The following SCUBE2 variants were observed in gnomAD, a reference collection of about 807,000 sequenced individuals.
The protein encoded by SCUBE2 is signal peptide, CUB domain and EGF like domain containing 2, also known as signal peptide, CUB and EGF-like domain-containing protein 2.
SCUBE2 carries 114 observed loss-of-function variants against 125.9 expected under a neutral mutation model. The ratio of observed to expected loss-of-function variants is 0.91; its 90% CI spans 0.78 to 1.06. The LOEUF is 1.06. Ranked by LOEUF, SCUBE2 falls within the 50% of genes least tolerant of loss-of-function variation. SCUBE2 has a pLI of 0.00. For missense variants in SCUBE2, 1,255 were observed against 1,301.8 expected, an observed-to-expected ratio of 0.96 and a Z score of 0.55; for synonymous variants, 459 against 492.9, an observed-to-expected ratio of 0.93 and a Z score of 0.91.
chr11:9,069,438 G>A lies in SCUBE2; in HGVS notation c.575C>T (p.Pro192Leu). ...GCACTCACAGGCGACGCTGCCCCTT[G>A]GGGCCTCCTTGCAGATGTGACTACA... ...HGCSHICKEA[P>L]RGSVACECRP... Residue 192 changes from proline (P) to leucine (L), a missense_variant, in exon 5 of 23, where the codon CCA (proline) becomes CTA (leucine). Physicochemically the swap from Pro to Leu is moderately conservative, Grantham distance 98. Transcript: ENST00000649792. 6.2e-7 allele frequency: 1 copy of A among 1,614,226 alleles called. No homozygotes were observed. Among genetic ancestry groups the A allele is most frequent in the Non-Finnish European group, 8.5e-7 (1 of 1,180,040 alleles).
At chr11:9,029,777 G>T in intron 19 of SCUBE2, 107 bp downstream of exon 19, 1 of 1,213,352 alleles carries the variant, frequency 8.2e-7, no homozygotes, top group African/African-American at 1.5e-5. Context: ...ACATCTACAT[G>T]GTTCTGAGTG....
chr11:9,085,655 G>A (rs1861993287), intron 2 of SCUBE2, among the ~76,000 whole-genome samples: 1 of 152,078 alleles, frequency 6.6e-6, no homozygotes, highest in African/African-American at 2.4e-5. Context: ...GAACCTGGGA[G>A]GCGGAGGTTG....
intron 16 of SCUBE2, among the ~76,000 whole-genome samples, chr11:9,046,308 C>T (rs1857765016): frequency 6.6e-6 from 1 of 152,000 alleles, no homozygotes; most frequent in South Asian, 2.1e-4. Context: ...ATGCCTGGCC[C>T]CGAGTGTCTT....
chr11:9,089,916 G>GA, intron 1 of SCUBE2, 87 bp from the exon 2 acceptor site: 1 of 1,500,392 alleles, frequency 6.7e-7, no homozygotes, highest in Admixed American at 1.9e-5. Flanking sequence ...ATCCTCACCA[G>GA]CCCACCCCGC....
chr11:9,058,759 A>G (rs1429602012), intron 9 of SCUBE2, among the ~76,000 whole-genome samples: 1 of 152,100 alleles, frequency 6.6e-6, no homozygotes, highest in African/African-American at 2.4e-5. Context: ...ACTGCACTCC[A>G]GCCTGGGCAA....
intron 7 of SCUBE2, among the ~76,000 whole-genome samples, chr11:9,060,881 G>T (rs1859612840): frequency 2.0e-5 from 3 of 152,294 alleles, no homozygotes; most frequent in Non-Finnish European, 4.4e-5. Flanking sequence ...AGGGCAAAGG[G>T]GATGGTCCTT....
intron 4 of SCUBE2, among the ~76,000 whole-genome samples, chr11:9,073,751 T>A (rs1239288381): frequency 7.2e-5 from 11 of 152,054 alleles, no homozygotes. Flanking sequence ...AGGGAAGAGT[T>A]AAAAGGATGA....
intron 16 of SCUBE2, among the ~76,000 whole-genome samples, chr11:9,042,497 C>G (rs1280516822): frequency 6.6e-6 from 1 of 152,178 alleles, no homozygotes; most frequent in Non-Finnish European, 1.5e-5. Flanking sequence ...GCCTTGCCTT[C>G]CTGCACTCCT....
chr11:9,068,331 G>T (rs1341944756), intron 5 of SCUBE2, among the ~76,000 whole-genome samples: 1 of 152,216 alleles, frequency 6.6e-6, no homozygotes, highest in Non-Finnish European at 1.5e-5. Context: ...CCCAGGTGGA[G>T]TTTTGTTACT....
At chr11:9,076,313 C>G (rs546244241) in intron 3 of SCUBE2, among the ~76,000 whole-genome samples, 1 of 152,142 alleles carries the variant, frequency 6.6e-6, no homozygotes, top group East Asian at 1.9e-4. Context: ...CTGCCACACA[C>G]TGTCAGGGCG....
At chr11:9,061,756 G>T (rs898823974) in intron 7 of SCUBE2, among the ~76,000 whole-genome samples, 2 of 152,146 alleles carry the variant, frequency 1.3e-5, no homozygotes, top group Non-Finnish European at 2.9e-5. Flanking sequence ...GATAAAAGAT[G>T]TCAAACATTC....
At chr11:9,066,861 C>T in intron 5 of SCUBE2, 48 bp from the exon 6 acceptor site, 1 of 1,456,818 alleles carries the variant, frequency 6.9e-7, no homozygotes, top group Non-Finnish European at 9.6e-7. Context: ...TTTCCACAAA[C>T]ACAGGGCTGT....
intron 10 of SCUBE2, 51 bp from the exon 11 acceptor site, chr11:9,053,810 G>C: frequency 6.3e-7 from 1 of 1,589,594 alleles, no homozygotes; most frequent in Non-Finnish European, 8.6e-7. Flanking sequence ...TGAATGGGCT[G>C]ACATGGTCCC....
At chr11:9,036,795 C>T (rs947225303) in intron 16 of SCUBE2, among the ~76,000 whole-genome samples, 11 of 152,218 alleles carry the variant, frequency 7.2e-5, no homozygotes, top group Admixed American at 7.2e-4. Context: ...TTTCAACCTC[C>T]ACAGCCTTTG....
rs1208832885 is a variant in SCUBE2 at position 9,060,405 on chromosome 11, T to C, written c.967+3A>G. 1.2e-6 allele frequency: 2 copies of C among 1,610,310 alleles called. No individual in the cohort carries two copies. Among genetic ancestry groups the C allele is most frequent in the Non-Finnish European group, 1.7e-6 (2 of 1,176,562 alleles). On this transcript the variant is annotated splice_donor_region_variant and intron_variant, in intron 8 of 22. Transcript: ENST00000649792. ...CCAGTCTCCCTGGGGAGGTGAAGGC[T>C]ACCTTTACATGTCTTCCCATCCAAC...
intron 20 of SCUBE2, 174 bp from the exon 21 acceptor site, chr11:9,026,028 G>C (rs1315319747): frequency 3.1e-6 from 2 of 635,580 alleles, no homozygotes; most frequent in Non-Finnish European, 5.2e-6. Flanking sequence ...AGATTCAGCT[G>C]GTAATTGTGG....
At chr11:9,031,491 T>G (rs1484667693) in intron 17 of SCUBE2, among the ~76,000 whole-genome samples, 1 of 152,020 alleles carries the variant, frequency 6.6e-6, no homozygotes, top group Non-Finnish European at 1.5e-5. Flanking sequence ...TAGCCAGACA[T>G]AGTGGCACAT....
Position 9,055,774 on chromosome 11 carries a change from A to G in SCUBE2, c.1207+19T>C. ...CCAGCCTCATTCCCCTCCCAACTTG[A>G]CAGGGGCAGTCTGCTCACCTCCACA... On this transcript the variant is annotated intron_variant, in intron 10 of 22. Transcript: ENST00000649792. The G allele has an allele frequency of 6.3e-7, 1 of 1,596,336 alleles. No individual in the cohort carries two copies. Among genetic ancestry groups the G allele is most frequent in the Middle Eastern group, 1.7e-4 (1 of 5,820 alleles).
At chr11:9,090,665 T>TGCGAA (rs1447329425) in intron 1 of SCUBE2, among the ~76,000 whole-genome samples, 1 of 152,048 alleles carries the variant, frequency 6.6e-6, no homozygotes, top group African/African-American at 2.4e-5. Flanking sequence ...TCTCAGATGC[T>TGCGAA]GCGAAGCGGG....
Sources: allele counts gnomAD v4.1 joint callset (sites outside exome capture counted in the v4.1 genomes callset), GRCh38; gene constraint gnomAD v4.1.1; transcripts MANE v1.5; gene names NCBI Gene and HGNC (gene_info 2026-07-23, HGNC 2026-07-21).